Variants in COL12A1 observed in about 807,000 individuals in gnomAD.
COL12A1 encodes the protein collagen type XII alpha 1 chain, also known as collagen alpha-1(XII) chain.
Under a neutral mutation model 349.7 loss-of-function variants are expected in COL12A1, and 114 were observed. That is an observed-to-expected ratio of 0.33 (90% CI 0.28 to 0.38). The LOEUF (loss-of-function observed/expected upper bound fraction) is 0.38, where lower values mean the gene tolerates loss of function less well. Ranked by LOEUF, COL12A1 falls within the 10% of genes least tolerant of loss-of-function variation. The pLI, the probability that COL12A1 is intolerant of heterozygous loss-of-function variation, is 1.00. For synonymous variants in COL12A1, 1,369 were observed against 1,329.0 expected (o/e 1.03, Z -0.66); for missense variants, 3,284 against 3,756.9 (o/e 0.87, Z 3.29).
Position 75,152,239 on chromosome 6 carries a change from A to G in COL12A1, c.3727T>C (p.Tyr1243His), listed in dbSNP as rs1377085818. The G allele has an allele frequency of 6.2e-7, 1 of 1,613,736 alleles. No individual in the cohort carries two copies. The highest frequency in any genetic ancestry group is 8.5e-7 in the Non-Finnish European group (1 of 1,179,748). The change falls in exon 19 of 66, where the codon TAT becomes CAT. Residue 1243 changes from tyrosine to histidine, a missense_variant. Transcript: ENST00000322507. ...PKRVQIALAQ[Y>H]SGDPRTEWQL... ...CACTCTGTTCTGGGATCCCCACTAT[A>G]CTGAGCAAGAGCTAAAATGACACCA...
intron 27 of COL12A1, 144 bp downstream of exon 27, chr6:75,141,888 A>G: frequency 2.0e-6 from 2 of 1,018,734 alleles, no homozygotes; most frequent in South Asian, 1.7e-5. Flanking sequence ...TTACAAAAAA[A>G]TAAGTGAAAA....
rs182726183 is a variant in COL12A1 at position 75,167,215 on chromosome 6, T to C, written c.2711-1436A>G. On this transcript the variant is annotated intron_variant, in intron 13 of 65. Coordinates refer to ENST00000322507, the MANE Select transcript of COL12A1 (RefSeq NM_004370.6). ...ATTTAAAACTGTTTGTTTTATTTGG[T>C]TTGGCTGTGGGCTTCTTTGTTTTGT... Among the ~76,000 whole-genome samples the C allele has an allele frequency of 1.2e-4, 18 of 152,308 alleles. No individual in the cohort carries two copies. In the East Asian group the frequency reaches 3.5e-3, roughly 29 times the overall value.
Position 75,151,136 on chromosome 6 carries a change from C to T in COL12A1, c.4147+5G>A, listed in dbSNP as rs1331794065. 7 of 1,308,886 alleles carry T rather than the reference C, an allele frequency of 5.3e-6. No homozygotes were observed. The highest frequency in any genetic ancestry group is 1.3e-5 in the South Asian group (1 of 76,082). 81.1% of individuals were successfully genotyped at this position (1,308,886 alleles called of 1,614,324 possible). A position where few individuals can be genotyped will look rare whatever the true frequency, so the allele number is the denominator to read the frequency against. On this transcript the variant is annotated splice_donor_5th_base_variant and intron_variant, in intron 21 of 65. Coordinates refer to ENST00000322507, the MANE Select transcript of COL12A1 (RefSeq NM_004370.6). ...TGAGGGAGAGAAACTCTGGGTTAAA[C>T]TTACCTGGACCTTTGACACTGTTAC...
At chr6:75,164,194 T>C (rs1426428975) in intron 14 of COL12A1, among the ~76,000 whole-genome samples, 1 of 152,164 alleles carries the variant, frequency 6.6e-6, no homozygotes, top group East Asian at 1.9e-4. Flanking sequence ...AAATTTCCTA[T>C]AAAGAAGTTG....
In COL12A1 at chr6:75,183,507, C is replaced by T. The variant is rs762385473; in HGVS notation, c.1434G>A (p.Gln478=). 6.2e-7 allele frequency: 1 copy of T among 1,614,130 alleles called. No homozygotes were observed. The highest frequency in any genetic ancestry group is 1.1e-5 in the South Asian group (1 of 91,080). ...CCCGGCTGTATTGCACAAGACTAAT[C>T]TGGACCCTATTTGGTGAAATTTCAA... The part of the protein sequence containing the change: ...KSFEISPNRV[Q]ISLVQYSRDP... Residue 478 remains glutamine, a synonymous_variant, in exon 10 of 66, where the codon CAG becomes CAA. Coordinates refer to ENST00000322507, the MANE Select transcript of COL12A1 (RefSeq NM_004370.6).
intron 43 of COL12A1, among the ~76,000 whole-genome samples, chr6:75,122,119 G>A (rs1765768497): frequency 6.6e-6 from 1 of 152,166 alleles, no homozygotes; most frequent in African/African-American, 2.4e-5. Flanking sequence ...GGGATTACAG[G>A]CGTGAGCCAC....
intron 20 of COL12A1, 23 bp from the exon 21 acceptor site, chr6:75,151,310 A>G: frequency 6.3e-7 from 1 of 1,597,322 alleles, no homozygotes; most frequent in Non-Finnish European, 8.5e-7. Flanking sequence ...ATATATACAA[A>G]TTAAAAGCAC....
chr6:75,137,921 T>G (rs755649648), intron 30 of COL12A1, among the ~76,000 whole-genome samples: 4 of 151,660 alleles, frequency 2.6e-5, no homozygotes, highest in Non-Finnish European at 5.9e-5. Flanking sequence ...GAGTTTATTC[T>G]CTCTCTCTCT....
intron 2 of COL12A1, among the ~76,000 whole-genome samples, chr6:75,197,135 A>G (rs1253472610): frequency 1.3e-5 from 2 of 152,178 alleles, no homozygotes; most frequent in Non-Finnish European, 2.9e-5. Flanking sequence ...AAAAAATAAT[A>G]ATAAAGCAGA....
At chr6:75,168,545 G>A (rs1238581443) in intron 13 of COL12A1, among the ~76,000 whole-genome samples, 5 of 152,164 alleles carry the variant, frequency 3.3e-5, no homozygotes, top group Admixed American at 6.6e-5. Context: ...AACTGGACTG[G>A]ACTTGAACCG....
chr6:75,139,857 T>A (rs1766805546), intron 27 of COL12A1, among the ~76,000 whole-genome samples: 1 of 152,178 alleles, frequency 6.6e-6, no homozygotes. Flanking sequence ...CACAAGCATT[T>A]TTTTATGTCT....
At chr6:75,165,845 A>T in intron 13 of COL12A1, 66 bp from the exon 14 acceptor site, 1 of 1,467,996 alleles carries the variant, frequency 6.8e-7, no homozygotes, top group Non-Finnish European at 9.3e-7. Flanking sequence ...TATTATATTC[A>T]TTGATCCTGG....
rs915542541 is a variant in COL12A1 at position 75,151,279 on chromosome 6, T to A, written c.4009A>T (p.Asn1337Tyr). 8 of 1,612,740 alleles carry A rather than the reference T, an allele frequency of 5.0e-6. No homozygotes were observed. The highest frequency in any genetic ancestry group is 5.9e-6 in the Non-Finnish European group (7 of 1,179,274). The part of the protein sequence containing the change: ...GVELFAIGIK[N>Y]ADEVELKMIA... ...ATCTTTAATTCGACTTCATCAGCAT[T>A]TTTAATACCTTCAAAAACGGATATA... The change falls in exon 21 of 66, where the codon AAT becomes TAT. Residue 1337 changes from asparagine (N) to tyrosine (Y), a missense_variant. Around this residue, in one of 2 missense-constraint regions of COL12A1, gnomAD observed 2,601 missense variants for 2,824.8 expected, o/e 0.92. Coordinates refer to ENST00000322507, the MANE Select transcript of COL12A1 (RefSeq NM_004370.6).
rs368397177 is a variant in COL12A1, at chr6:75,125,193, C to T, written c.6541G>A (p.Asp2181Asn). The T allele has an allele frequency of 5.3e-5, 85 of 1,612,072 alleles. No homozygotes were observed. The highest frequency in any genetic ancestry group is 7.0e-5 in the Non-Finnish European group (82 of 1,178,882). Residue 2181 changes from aspartate (D) to asparagine (N), a missense_variant, in exon 40 of 66, where the codon GAT becomes AAT. By Grantham distance (23) the Asp-to-Asn change is conservative. This residue lies in a region of COL12A1 where 2,601 missense variants were observed against 2,824.8 expected (regional missense o/e 0.92). Coordinates refer to ENST00000322507, the MANE Select transcript of COL12A1 (RefSeq NM_004370.6). The stretch of plus-strand genomic sequence containing the variant: ...TCATATTGAGCATAAACATTCACAT[C>T]GTAGGTGGTGCTGGGATTGAGATTG... ...LHNLNPSTTYDVNVYAQYDSG... is the reference protein window; with the variant it reads ...LHNLNPSTTYNVNVYAQYDSG...
intron 8 of COL12A1, among the ~76,000 whole-genome samples, chr6:75,187,281 A>G (rs1222509199): frequency 1.3e-5 from 2 of 151,710 alleles, no homozygotes; most frequent in African/African-American, 4.8e-5. Context: ...AGGCTAGTCC[A>G]GCAGAAGAGA....
chr6:75,181,022 T>C lies in COL12A1; in HGVS notation c.2081A>G (p.Glu694Gly). The C allele has an allele frequency of 6.2e-7, 1 of 1,614,170 alleles. No homozygotes were observed. The highest frequency in any genetic ancestry group is 2.2e-5 in the East Asian group (1 of 44,878). ...TSVVLSSLKP[E>G]TLYLVNVTAE... Reference sequence around the variant, plus strand: ...AGTCACATTGACCAAATACAAGGTCTCTGGCTTCAGGCTGCTGAGAACAAC... The same window carrying C: ...AGTCACATTGACCAAATACAAGGTCCCTGGCTTCAGGCTGCTGAGAACAAC... The change falls in exon 11 of 66, where the codon GAG becomes GGG. Residue 694 changes from glutamate (E) to glycine (G), a missense_variant. By Grantham distance (98) the Glu-to-Gly change is moderately conservative (BLOSUM62 -2). Coordinates refer to ENST00000322507, the MANE Select transcript of COL12A1 (RefSeq NM_004370.6).
rs763202407 is a variant in COL12A1, at chr6:75,175,193, G to A, written c.2555C>T (p.Ala852Val). The A allele has an allele frequency of 1.2e-6, 2 of 1,613,986 alleles. No individual in the cohort carries two copies. The highest frequency in any genetic ancestry group is 2.7e-5 in the African/African-American group (2 of 74,888). Residue 852 changes from alanine to valine, a missense_variant, in exon 13 of 66, where the codon GCA becomes GTA. Ala to Val is a moderately conservative substitution (Grantham distance 64, BLOSUM62 0). Around this residue, in one of 2 missense-constraint regions of COL12A1, gnomAD observed 2,601 missense variants for 2,824.8 expected, o/e 0.92. Coordinates refer to ENST00000322507, the MANE Select transcript of COL12A1 (RefSeq NM_004370.6). The stretch of plus-strand genomic sequence containing the variant: ...AGTGACCTCTTGAGTTTCACCCCCT[G>A]CCACTGGGGTATATGTGACGAGATA... ...KQYLVTYTPV[A>V]GGETQEVTVR...
Position 75,102,478 on chromosome 6 carries a change from G to A in COL12A1, c.8415+119C>T, listed in dbSNP as rs1232594832. ...AGTCATCATAGAGGCTGCTATCTCG[G>A]TGACTAACCTCGTTGAATTATCTGA... On this transcript the variant is annotated intron_variant, in intron 56 of 65. Transcript: ENST00000322507. The A allele has an allele frequency of 1.5e-5, 10 of 672,536 alleles. No individual in the cohort carries two copies. The Admixed American group carries it at 3.6e-4, about 24-fold the overall frequency. The allele number at this position is 672,536 out of a possible 1,614,324, so 41.7% of individuals were successfully genotyped here.
At position 75,165,507 on chromosome 6, in the gene COL12A1, A is replaced by C. The variant is rs1240726705; in HGVS notation, c.2983T>G (p.Leu995Val). The C allele has an allele frequency of 2.5e-6, 4 of 1,613,020 alleles. No homozygotes were observed. Among genetic ancestry groups the C allele is most frequent in the Non-Finnish European group, 2.5e-6 (3 of 1,179,692 alleles). The stretch of plus-strand genomic sequence containing the variant: ...CAAACACACCCATAATGTTACCTAC[A>C]TTCAGTTGTGGCATCTCCAGTCAAA... ...EPLTGDATTELSQDSKTLKVD... is the reference protein window; with the variant it reads ...EPLTGDATTEVSQDSKTLKVD... The change falls in exon 14 of 66, where the codon TTA becomes GTA. Residue 995 changes from leucine to valine, a missense_variant and splice_region_variant. Physicochemically the swap from Leu to Val is conservative, Grantham distance 32 (BLOSUM62 1). Around this residue, in one of 2 missense-constraint regions of COL12A1, gnomAD observed 2,601 missense variants for 2,824.8 expected, o/e 0.92. Coordinates refer to ENST00000322507, the MANE Select transcript of COL12A1 (RefSeq NM_004370.6).
Sources: allele counts gnomAD v4.1 joint callset (sites outside exome capture counted in the v4.1 genomes callset), GRCh38; gene constraint gnomAD v4.1.1; regional missense constraint gnomAD v4.1.1; transcripts MANE v1.5; gene names NCBI Gene and HGNC (gene_info 2026-07-23, HGNC 2026-07-21).